Variants in RNF115 observed in about 807,000 individuals in gnomAD.
RNF115 encodes ring finger protein 115.
Under a neutral mutation model 39.2 loss-of-function variants are expected in RNF115, and 31 were observed. That is an observed-to-expected ratio of 0.79 (90% CI 0.59 to 1.07). The LOEUF (loss-of-function observed/expected upper bound fraction) is 1.07, where lower values mean the gene tolerates loss of function less well. Among genes scored for constraint, RNF115 ranks in the 50% least tolerant of loss-of-function variants. RNF115 has a pLI of 0.00. For synonymous variants in RNF115, 124 were observed against 131.0 expected, an observed-to-expected ratio of 0.95 and a Z score of 0.37; for missense variants, 384 against 381.7, an observed-to-expected ratio of 1.01 and a Z score of -0.05.
intron 1 of RNF115, among the ~76,000 whole-genome samples, chr1:145,814,446 G>C (rs1649888626): frequency 6.6e-6 from 1 of 151,854 alleles, no homozygotes; most frequent in South Asian, 2.1e-4. Context: ...AGCCAGGCGT[G>C]GTGGCAGGCA....
At chr1:145,793,926 C>T (rs1302644241) in intron 1 of RNF115, among the ~76,000 whole-genome samples, 1 of 151,874 alleles carries the variant, frequency 6.6e-6, no homozygotes, top group Non-Finnish European at 1.5e-5. Context: ...TCACTGCAAC[C>T]TCTGCCTCCT....
intron 5 of RNF115, 55 bp downstream of exon 5, chr1:145,752,923 G>T: frequency 2.4e-6 from 3 of 1,242,008 alleles, no homozygotes; most frequent in Non-Finnish European, 3.5e-6. Context: ...AGAAATGACA[G>T]CACCTAAAAT....
In RNF115 at chr1:145,743,986, A is replaced by G. The variant is rs1439033683; in HGVS notation, c.*2880T>C. ...ACATCCTCTATCCACCAGAGCAAAA[A>G]AAGTGAAGAAAACTTCATGTAACTT... is the stretch of plus-strand genomic sequence containing the variant. On this transcript the variant is annotated 3_prime_UTR_variant, in exon 9 of 9. Coordinates refer to ENST00000582693, the MANE Select transcript of RNF115 (RefSeq NM_014455.4). 5 of 152,496 alleles carry G rather than the reference A, an allele frequency of 3.3e-5. No individual in the cohort carries two copies. The highest frequency in any genetic ancestry group is 5.9e-5 in the Non-Finnish European group (4 of 68,092). The allele number at this position is 152,496 out of a possible 1,614,324, so 9.4% of individuals were successfully genotyped here.
At chr1:145,780,984 A>G (rs932070449) in intron 3 of RNF115, among the ~76,000 whole-genome samples, 3 of 152,162 alleles carry the variant, frequency 2.0e-5, no homozygotes, top group Non-Finnish European at 4.4e-5. Flanking sequence ...GATTACCACC[A>G]GGAAGCTTAG....
intron 5 of RNF115, among the ~76,000 whole-genome samples, chr1:145,752,585 C>CATTTTT (rs1658130828): frequency 1.2e-5 from 1 of 83,784 alleles, no homozygotes; most frequent in Non-Finnish European, 2.0e-5. Flanking sequence ...CTATGCAGCT[C>CATTTTT]TTTTTTTTTT....
At chr1:145,784,073 A>C (rs963067783) in intron 3 of RNF115, among the ~76,000 whole-genome samples, 4 of 152,152 alleles carry the variant, frequency 2.6e-5, no homozygotes, top group Non-Finnish European at 4.4e-5. Context: ...ATCTACACCA[A>C]ACTACTGTGT....
chr1:145,771,847 G>A lies in RNF115; in HGVS notation c.292C>T (p.Gln98Ter). The change falls in exon 4 of 9, where the codon CAA becomes TAA. Residue 98 changes from glutamine (Q) to a stop codon, truncating the protein, a stop_gained. Transcript: ENST00000582693. LOFTEE classifies it high-confidence loss of function. ...RPFLSSSPLD[Q>*]DNRANERGHQ... The stretch of plus-strand genomic sequence containing the variant: ...CCCCTTTCATTGGCTCTATTATCTT[G>A]GTCCAGTGGACTGCTACTTAGAAAG... 6.2e-7 allele frequency: 1 copy of A among 1,613,968 alleles called. No homozygotes were observed. The highest frequency in any genetic ancestry group is 8.5e-7 in the Non-Finnish European group (1 of 1,179,948).
chr1:145,797,112 G>A (rs936433424), intron 1 of RNF115, among the ~76,000 whole-genome samples: 1 of 152,086 alleles, frequency 6.6e-6, no homozygotes, highest in South Asian at 2.1e-4. Context: ...CATCATGATT[G>A]CCTAAGTGAC....
chr1:145,809,834 TTC>T (rs1553722243), intron 1 of RNF115, among the ~76,000 whole-genome samples: 1 of 127,052 alleles, frequency 7.9e-6, no homozygotes, highest in Non-Finnish European at 1.6e-5. Flanking sequence ...CTCCATCATT[TTC>T]AACAGGTACA....
chr1:145,752,435 C>T (rs1553712597), intron 5 of RNF115, among the ~76,000 whole-genome samples: 1 of 151,964 alleles, frequency 6.6e-6, no homozygotes. Flanking sequence ...GGAATCAAGA[C>T]ATTTCTAGCA....
chr1:145,746,738 T>C lies in RNF115; in HGVS notation c.*128A>G, dbSNP rs1320333027. On this transcript the variant is annotated 3_prime_UTR_variant, in exon 9 of 9. Transcript: ENST00000582693. ...TAAATTTAAAGAAGAAAAACATTCATTGCATTTATATTATGTGTTGAGTTT... is the reference window on the plus strand; with the variant it reads ...TAAATTTAAAGAAGAAAAACATTCACTGCATTTATATTATGTGTTGAGTTT... 4.5e-6 allele frequency: 4 copies of C among 884,978 alleles called. No individual in the cohort carries two copies. The highest frequency in any genetic ancestry group is 3.4e-5 in the African/African-American group (2 of 59,174). 54.8% of individuals were successfully genotyped at this position (884,978 alleles called of 1,614,324 possible).
At chr1:145,788,662 CAGG>C in intron 2 of RNF115, 1 of 625,052 alleles carries the variant, frequency 1.6e-6, no homozygotes, top group Non-Finnish European at 3.0e-6. Context: ...CACATACAAT[CAGG>C]AGCAGTGCGT....
chr1:145,774,999 C>CA (rs1647816023), intron 3 of RNF115, among the ~76,000 whole-genome samples: 1 of 152,160 alleles, frequency 6.6e-6, no homozygotes, highest in African/African-American at 2.4e-5. Flanking sequence ...GTAATCCTAG[C>CA]ACTTTGGGAG....
chr1:145,751,441 G>T lies in RNF115; in HGVS notation c.570C>A (p.Thr190=). Residue 190 remains threonine (T), a synonymous_variant, in exon 6 of 9, where the codon ACC becomes ACA. Transcript: ENST00000582693. ...WGQTGLDAIV[T]QLLGQLENTG... is the part of the protein sequence containing the mutation. The stretch of plus-strand genomic sequence containing the variant: ...CCCTCAAAAGGCAGCTCCTCACCTG[G>T]GTTACAATGGCATCAAGCCCTGTCT... 1 of 1,580,234 alleles carries T rather than the reference G, an allele frequency of 6.3e-7. No individual in the cohort carries two copies. The highest frequency in any genetic ancestry group is 8.6e-7 in the Non-Finnish European group (1 of 1,162,248).
intron 7 of RNF115, among the ~76,000 whole-genome samples, chr1:145,749,706 T>C (rs1230023891): frequency 6.6e-6 from 1 of 152,170 alleles, no homozygotes; most frequent in Non-Finnish European, 1.5e-5. Flanking sequence ...GTTTCTGCTC[T>C]CTCTCACTTC....
chr1:145,796,534 A>G (rs1460923395), intron 1 of RNF115, among the ~76,000 whole-genome samples: 2 of 151,562 alleles, frequency 1.3e-5, no homozygotes, highest in South Asian at 2.1e-4. Context: ...CTACAGGTGC[A>G]TCCCACTGCA....
Position 145,739,378 on chromosome 1 carries a change from T to C in RNF115, c.*7488A>G, listed in dbSNP as rs1657622101. 6.6e-6 allele frequency: 1 copy of C among 152,130 alleles called. No individual in the cohort carries two copies. Among genetic ancestry groups the C allele is most frequent in the Non-Finnish European group, 1.5e-5 (1 of 68,018 alleles). 9.4% of individuals were successfully genotyped at this position (152,130 alleles called of 1,614,324 possible). ...CTCCTTGGCAAGGACCTGCCAAATG[T>C]GGGAGCTAAGGTTTGTGGGAACGGA... On this transcript the variant is annotated 3_prime_UTR_variant, in exon 9 of 9. Transcript: ENST00000582693.
chr1:145,790,621 G>A lies in RNF115; in HGVS notation c.103-1655C>T, dbSNP rs587742205. On this transcript the variant is annotated intron_variant, in intron 1 of 8. Transcript: ENST00000582693. ...CTAATTTTGTATTTTTAGTAGAGAC[G>A]GGGTTTTACCATGTTGGTCAGGCTG... Among the ~76,000 whole-genome samples, 1,054 of 151,480 alleles carry A rather than the reference G, an allele frequency of 7.0e-3. 9 individuals carry two copies. Among genetic ancestry groups the A allele is most frequent in the African/African-American group, 0.024 (989 of 41,268 alleles).
rs1331293855 is a variant in RNF115 at position 145,744,711 on chromosome 1, C to T, written c.*2155G>A. 3 of 152,204 alleles carry T rather than the reference C, an allele frequency of 2.0e-5. No individual in the cohort carries two copies. Among genetic ancestry groups the T allele is most frequent in the Non-Finnish European group, 4.4e-5 (3 of 68,036 alleles). 9.4% of individuals were successfully genotyped at this position (152,204 alleles called of 1,614,324 possible). On this transcript the variant is annotated 3_prime_UTR_variant, in exon 9 of 9. Transcript: ENST00000582693. ...TAAAGAGTGGTGTTTTTGTTCTGAT[C>T]ATTCTAAACTGATCATTCTGATCAT...
Sources: allele counts gnomAD v4.1 joint callset (sites outside exome capture counted in the v4.1 genomes callset), GRCh38; gene constraint gnomAD v4.1.1; transcripts MANE v1.5; gene names NCBI Gene and HGNC (gene_info 2026-07-23, HGNC 2026-07-21).